Variants in DDR2 observed in about 807,000 individuals in gnomAD.
The protein encoded by DDR2 is discoidin domain receptor tyrosine kinase 2.
Under a neutral mutation model 94.9 loss-of-function variants are expected in DDR2, and 27 were observed. The observed-to-expected ratio is 0.28, with a 90% confidence interval of 0.21 to 0.39. DDR2 has a LOEUF of 0.39. DDR2 is among the 10% of genes least tolerant of loss of function. DDR2 has a pLI of 1.00. For missense variants in DDR2, 783 were observed against 1,076.0 expected (o/e 0.73, Z 3.81); for synonymous variants, 382 against 377.2 (o/e 1.01, Z -0.15).
At chr1:162,759,467 C>T (rs1663611687) in intron 7 of DDR2, among the ~76,000 whole-genome samples, 1 of 152,120 alleles carries the variant, frequency 6.6e-6, no homozygotes. Context: ...TATGTGAAGA[C>T]ATATTCAGTA....
At chr1:162,677,539 A>C (rs1659193765) in intron 2 of DDR2, among the ~76,000 whole-genome samples, 1 of 152,176 alleles carries the variant, frequency 6.6e-6, no homozygotes, top group Non-Finnish European at 1.5e-5. Flanking sequence ...GAAAAAGAGG[A>C]GGCACAGAGG....
intron 2 of DDR2, among the ~76,000 whole-genome samples, chr1:162,675,764 G>T (rs1317384152): frequency 6.6e-6 from 1 of 152,190 alleles, no homozygotes; most frequent in Non-Finnish European, 1.5e-5. Flanking sequence ...ACCCTATTGG[G>T]TTGAGTTTTA....
chr1:162,740,175 C>A (rs934006753), intron 3 of DDR2, among the ~76,000 whole-genome samples: 16 of 152,040 alleles, frequency 1.1e-4, no homozygotes, highest in Non-Finnish European at 1.5e-5. Flanking sequence ...TTGCCACCTG[C>A]AGGGGAGATA....
At chr1:162,760,111 T>C in intron 8 of DDR2, 132 bp downstream of exon 8, 1 of 1,204,984 alleles carries the variant, frequency 8.3e-7, no homozygotes, top group Non-Finnish European at 1.2e-6. Context: ...ACTAGCTAAA[T>C]GCATTTCACA....
chr1:162,660,623 A>G (rs1166375401), intron 2 of DDR2, among the ~76,000 whole-genome samples: 1 of 152,200 alleles, frequency 6.6e-6, no homozygotes, highest in Non-Finnish European at 1.5e-5. Flanking sequence ...GTAATGATCA[A>G]ACAACCAGAT....
intron 1 of DDR2, among the ~76,000 whole-genome samples, chr1:162,639,963 CATT>C (rs1657041608): frequency 6.6e-6 from 1 of 151,886 alleles, no homozygotes; most frequent in African/African-American, 2.4e-5. Context: ...GGATGTATGT[CATT>C]ATACCTTTGT....
chr1:162,728,703 C>G (rs1283019099), intron 3 of DDR2, among the ~76,000 whole-genome samples: 2 of 152,154 alleles, frequency 1.3e-5, no homozygotes, highest in Non-Finnish European at 2.9e-5. Context: ...TCCCTGGGCT[C>G]TCTGTCCAGA....
chr1:162,736,113 C>G (rs1362319357), intron 3 of DDR2, among the ~76,000 whole-genome samples: 3 of 152,238 alleles, frequency 2.0e-5, no homozygotes, highest in Non-Finnish European at 4.4e-5. Flanking sequence ...CCTGGCTACA[C>G]AGCACAGTCA....
At chr1:162,728,042 T>C (rs1471315779) in intron 3 of DDR2, among the ~76,000 whole-genome samples, 1 of 130,764 alleles carries the variant, frequency 7.6e-6, no homozygotes, top group Non-Finnish European at 1.6e-5. Context: ...TATCTATATA[T>C]ATCTATATAT....
Position 162,759,993 on chromosome 1 carries a change from GGT to G in DDR2, c.855+18_855+19del, listed in dbSNP as rs71965757. The G allele has an allele frequency of 9.3e-4, 1,502 of 1,614,058 alleles. 6 individuals carry two copies. The African/African-American group carries it at 0.017, about 19-fold the overall frequency. On this transcript the variant is annotated intron_variant, in intron 8 of 17. Transcript: ENST00000367921. ...ACTACCATGAAGGTCAGTGGGGTCG[GGT>G]GTGGTGGAACTTCTTTAAGGAGGCA... is the stretch of plus-strand genomic sequence containing the variant.
intron 3 of DDR2, among the ~76,000 whole-genome samples, chr1:162,742,724 A>G (rs1268363149): frequency 1.3e-5 from 2 of 152,154 alleles, no homozygotes; most frequent in African/African-American, 4.8e-5. Flanking sequence ...CATGCTGCTG[A>G]TAAAGACATA....
chr1:162,719,198 C>A, intron 3 of DDR2, 53 bp downstream of exon 3: 1 of 1,612,536 alleles, frequency 6.2e-7, no homozygotes. Flanking sequence ...AATGTTTAAA[C>A]CCATCAATGT....
At chr1:162,764,776 G>A (rs573842402) in intron 9 of DDR2, among the ~76,000 whole-genome samples, 2 of 150,644 alleles carry the variant, frequency 1.3e-5, no homozygotes, top group South Asian at 2.1e-4. Context: ...GCAGTGGGTC[G>A]AGATTGCACC....
Position 162,784,207 on chromosome 1 carries a change from A to G in DDR2, c.*3961A>G, listed in dbSNP as rs1648056216. ...CCATATGTTTTGAGTAAAGGAGAAT[A>G]GAAGAAGGGGAGTGTCCGCAAAATG... On this transcript the variant is annotated 3_prime_UTR_variant, in exon 18 of 18. Coordinates refer to ENST00000367921, the MANE Select transcript of DDR2 (RefSeq NM_006182.4). 1 of 152,584 alleles carries G rather than the reference A, an allele frequency of 6.6e-6. No homozygotes were observed. The highest frequency in any genetic ancestry group is 2.1e-4 in the South Asian group (1 of 4,852). The allele number at this position is 152,584 out of a possible 1,614,324, so 9.5% of individuals were successfully genotyped here.
intron 9 of DDR2, among the ~76,000 whole-genome samples, chr1:162,761,960 A>T (rs1019131013): frequency 1.2e-4 from 18 of 152,356 alleles, no homozygotes; most frequent in African/African-American, 4.3e-4. Flanking sequence ...ATTGGACTGC[A>T]TCTAAGAAAA....
chr1:162,705,212 C>T (rs1660605602), intron 2 of DDR2: 1 of 152,256 alleles, frequency 6.6e-6, no homozygotes, highest in Non-Finnish European at 1.5e-5. Context: ...TATCCAATCT[C>T]ACTACAGCCA....
intron 3 of DDR2, among the ~76,000 whole-genome samples, chr1:162,719,681 T>C (rs1661331993): frequency 6.6e-6 from 1 of 152,182 alleles, no homozygotes; most frequent in Non-Finnish European, 1.5e-5. Flanking sequence ...TTGTATTACA[T>C]GCATTTTTAA....
chr1:162,700,391 C>T (rs143130714), intron 2 of DDR2, among the ~76,000 whole-genome samples: 1 of 152,296 alleles, frequency 6.6e-6, no homozygotes, highest in Non-Finnish European at 1.5e-5. Flanking sequence ...TTGTATGCCA[C>T]ATCCCTTTTC....
At chr1:162,779,764 C>T (rs544723392) in intron 17 of DDR2, among the ~76,000 whole-genome samples, 32 of 152,262 alleles carry the variant, frequency 2.1e-4, no homozygotes, top group Admixed American at 1.9e-3. Flanking sequence ...CTGCCATGAT[C>T]GGCTCAGCCA....
Sources: allele counts gnomAD v4.1 joint callset (sites outside exome capture counted in the v4.1 genomes callset), GRCh38; gene constraint gnomAD v4.1.1; transcripts MANE v1.5; gene names NCBI Gene and HGNC (gene_info 2026-07-23, HGNC 2026-07-21).